The following AP4E1 variants were observed in gnomAD, a reference collection of about 807,000 sequenced individuals.
AP4E1 encodes adaptor related protein complex 4 subunit epsilon 1.
Under a neutral mutation model 128.2 loss-of-function variants are expected in AP4E1, and 56 were observed. The observed-to-expected ratio is 0.44, with a 90% CI of 0.35 to 0.55. The LOEUF is 0.55. Ranked by LOEUF, AP4E1 falls within the 20% of genes least tolerant of loss-of-function variation. The pLI is 0.00. For missense variants in AP4E1, 1,324 were observed against 1,307.7 expected, an observed-to-expected ratio of 1.01 and a Z score of -0.19; for synonymous variants, 484 against 473.1, an observed-to-expected ratio of 1.02 and a Z score of -0.30.
At chr15:50,950,008 A>G (rs544246253) in intron 12 of AP4E1, 43 bp from the exon 13 acceptor site, 2 of 1,592,278 alleles carry the variant, frequency 1.3e-6, no homozygotes, top group African/African-American at 1.3e-5. Flanking sequence ...GAGTCCTAAG[A>G]TAAGTTTGTG....
chr15:50,940,329 A>G (rs1323535802), intron 8 of AP4E1, among the ~76,000 whole-genome samples: 1 of 152,100 alleles, frequency 6.6e-6, no homozygotes, highest in Non-Finnish European at 1.5e-5. Context: ...TCTCTGTTAT[A>G]GAAGAGGTTT....
At chr15:50,936,255 A>C (rs12916845) in intron 8 of AP4E1, among the ~76,000 whole-genome samples, 35,509 of 152,060 alleles carry the variant, frequency 0.23, 4,424 homozygotes, top group East Asian at 0.45. Context: ...TTTTCCAGTA[A>C]GTTAAAGTAA....
chr15:50,990,599 T>C (rs1669313675), intron 16 of AP4E1, among the ~76,000 whole-genome samples: 1 of 152,030 alleles, frequency 6.6e-6, no homozygotes, highest in South Asian at 2.1e-4. Flanking sequence ...TTGGCCAGGC[T>C]GGTTTTGAAC....
chr15:50,912,332 A>G (rs1179714927), intron 2 of AP4E1, among the ~76,000 whole-genome samples, 183 bp downstream of exon 2: 2 of 152,242 alleles, frequency 1.3e-5, no homozygotes, highest in South Asian at 2.1e-4. Flanking sequence ...TTGCACCAGA[A>G]CAAGATTTGC....
At chr15:50,995,694 A>G (rs1595581704) in intron 17 of AP4E1, among the ~76,000 whole-genome samples, 1 of 152,036 alleles carries the variant, frequency 6.6e-6, no homozygotes, top group East Asian at 1.9e-4. Context: ...CCTCACCTTC[A>G]TTTTTAAGAC....
At position 50,923,944 on chromosome 15, in the gene AP4E1, T is replaced by A; in HGVS notation, c.360T>A (p.Val120=). The change falls in exon 4 of 21, where the codon GTT becomes GTA. Residue 120 remains valine, a synonymous_variant. Coordinates refer to ENST00000261842, the MANE Select transcript of AP4E1 (RefSeq NM_007347.5). ...CAACTTTTATAGGTTATTTGGCTGTTTCCTTATTTCTACATGAAAGTCATG... is the reference window on the plus strand; with the variant it reads ...CAACTTTTATAGGTTATTTGGCTGTATCCTTATTTCTACATGAAAGTCATG... ...LLEKRVGYLA[V]SLFLHESHEL... 1 of 1,611,964 alleles carries A rather than the reference T, an allele frequency of 6.2e-7. No homozygotes were observed. The highest frequency in any genetic ancestry group is 8.5e-7 in the Non-Finnish European group (1 of 1,178,446).
intron 3 of AP4E1, among the ~76,000 whole-genome samples, chr15:50,916,743 G>A (rs2063635702): frequency 6.6e-6 from 1 of 152,116 alleles, no homozygotes; most frequent in African/African-American, 2.4e-5. Flanking sequence ...CAAGTAGAAT[G>A]TCCTTTAACA....
chr15:50,933,186 A>G (rs1021961434), intron 7 of AP4E1, among the ~76,000 whole-genome samples: 3 of 152,182 alleles, frequency 2.0e-5, no homozygotes, highest in Non-Finnish European at 2.9e-5. Flanking sequence ...TCAGTTATTA[A>G]TAGAGTGGAA....
At chr15:50,943,561 G>A (rs1032506543) in intron 10 of AP4E1, among the ~76,000 whole-genome samples, 5 of 152,094 alleles carry the variant, frequency 3.3e-5, no homozygotes, top group Admixed American at 6.5e-5. Flanking sequence ...TTATACAGCC[G>A]TTCTGCTTTA....
chr15:50,989,027 A>C (rs1246288710), intron 16 of AP4E1, among the ~76,000 whole-genome samples: 1 of 152,222 alleles, frequency 6.6e-6, no homozygotes, highest in Non-Finnish European at 1.5e-5. Context: ...CCCAGTTCAT[A>C]GTAAGTGATT....
intron 15 of AP4E1, among the ~76,000 whole-genome samples, chr15:50,972,851 T>G (rs1567247414): frequency 6.6e-6 from 1 of 152,160 alleles, no homozygotes; most frequent in Admixed American, 6.5e-5. Flanking sequence ...GGGGGGCATG[T>G]CTTCTGAGGG....
chr15:50,975,779 G>A (rs577634298), intron 15 of AP4E1, among the ~76,000 whole-genome samples: 6 of 152,062 alleles, frequency 3.9e-5, no homozygotes, highest in Non-Finnish European at 8.8e-5. Context: ...ATGGTCTTTT[G>A]TGGTTCTTCA....
intron 14 of AP4E1, among the ~76,000 whole-genome samples, chr15:50,967,857 G>C (rs2064415063): frequency 6.6e-6 from 1 of 152,194 alleles, no homozygotes; most frequent in African/African-American, 2.4e-5. Context: ...CTGTTGCCCA[G>C]GCTGAAGTAC....
At chr15:51,002,411 T>A in intron 20 of AP4E1, 91 bp from the exon 21 acceptor site, 1 of 1,370,638 alleles carries the variant, frequency 7.3e-7, no homozygotes, top group Non-Finnish European at 1.0e-6. Context: ...TATCTTTTCA[T>A]GTGCTTATTA....
At chr15:50,922,052 G>A (rs1364354220) in intron 3 of AP4E1, among the ~76,000 whole-genome samples, 1 of 151,296 alleles carries the variant, frequency 6.6e-6, no homozygotes, top group East Asian at 1.9e-4. Context: ...GGGCCTGGGT[G>A]TGGTGGCTCA....
chr15:50,983,131 A>C (rs2064665459), intron 15 of AP4E1, among the ~76,000 whole-genome samples: 1 of 152,156 alleles, frequency 6.6e-6, no homozygotes, highest in Non-Finnish European at 1.5e-5. Flanking sequence ...AGGAATCCAG[A>C]AGTAGGCAAT....
intron 3 of AP4E1, 96 bp from the exon 4 acceptor site, chr15:50,923,835 G>A: frequency 1.2e-6 from 1 of 866,338 alleles, no homozygotes; most frequent in South Asian, 1.4e-5. Flanking sequence ...ACTTGTAACT[G>A]GTATCTTTGA....
At chr15:50,924,073 A>C in intron 4 of AP4E1, 69 bp downstream of exon 4, 2 of 1,281,200 alleles carry the variant, frequency 1.6e-6, no homozygotes, top group Non-Finnish European at 2.3e-6. Flanking sequence ...CTCCTCGATC[A>C]TATTCAACTA....
chr15:50,959,338 T>C (rs1031949323), intron 14 of AP4E1, among the ~76,000 whole-genome samples: 1 of 151,822 alleles, frequency 6.6e-6, no homozygotes, highest in Non-Finnish European at 1.5e-5. Flanking sequence ...GTCACACATA[T>C]AAGAGTATTC....
Sources: allele counts gnomAD v4.1 joint callset (sites outside exome capture counted in the v4.1 genomes callset), GRCh38; gene constraint gnomAD v4.1.1; transcripts MANE v1.5; gene names NCBI Gene and HGNC (gene_info 2026-07-23, HGNC 2026-07-21).